Variants in THSD8 observed in about 807,000 individuals in gnomAD.
The protein encoded by THSD8 is thrombospondin type-1 domain-containing protein 8.
intron 1 of THSD8, among the ~76,000 whole-genome samples, 171 bp from the exon 2 acceptor site, chr19:12,803,933 A>AAAAAAAAAAAAAAC (rs927430159): frequency 6.7e-6 from 1 of 149,898 alleles, no homozygotes; most frequent in African/African-American, 2.5e-5. Context: ...AAAAAAAAAA[A>AAAAAAAAAAAAAAC]AAAAAGCTTA....
At chr19:12,802,616 G>A (rs1479804932) in intron 1 of THSD8, among the ~76,000 whole-genome samples, 1 of 152,170 alleles carries the variant, frequency 6.6e-6, no homozygotes, top group East Asian at 1.9e-4. Context: ...GGGAAAGAAT[G>A]TCCAAGGAAG....
Position 12,802,077 on chromosome 19 carries a change from G to T in THSD8, c.6G>T (p.Ala2=). Residue 2 remains alanine, a synonymous_variant, in exon 1 of 2, where the codon GCG becomes GCT. Transcript: ENST00000639810. ...GGGGGCCGTTGGAGTCCAGCATGGC[G>T]CGGACCCCGGGGGCGCTGCTGCTGG... is the stretch of plus-strand genomic sequence containing the variant. The part of the protein sequence containing the change: M[A]RTPGALLLAP... 1 of 398,560 alleles carries T rather than the reference G, an allele frequency of 2.5e-6. No individual in the cohort carries two copies. Among genetic ancestry groups the T allele is most frequent in the Non-Finnish European group, 4.4e-6 (1 of 226,024 alleles). 24.7% of individuals were successfully genotyped at this position (398,560 alleles called of 1,614,324 possible).
rs1273755033 is a variant in THSD8 at position 12,804,174 on chromosome 19, C to A, written c.219C>A (p.Arg73=). The A allele has an allele frequency of 2.5e-6, 1 of 398,460 alleles. No individual in the cohort carries two copies. The highest frequency in any genetic ancestry group is 2.1e-5 in the African/African-American group (1 of 48,598). 24.7% of individuals were successfully genotyped at this position (398,460 alleles called of 1,614,324 possible). A position where few individuals can be genotyped will look rare whatever the true frequency, so the allele number is the denominator to read the frequency against. ...RCLCDLGKQE[R]SREVVGTAPG... ...TCTGCGACCTGGGCAAGCAGGAGCG[C>A]AGCCGCGAGGTAGTGGGCACAGCGC... Residue 73 remains arginine, a synonymous_variant, in exon 2 of 2, where the codon CGC becomes CGA. Transcript: ENST00000639810.
At chr19:12,803,601 G>A (rs1968936096) in intron 1 of THSD8, among the ~76,000 whole-genome samples, 1 of 152,010 alleles carries the variant, frequency 6.6e-6, no homozygotes, top group African/African-American at 2.4e-5. Flanking sequence ...TTCCCCACCT[G>A]AGACTCGTGG....
intron 1 of THSD8, among the ~76,000 whole-genome samples, chr19:12,803,467 A>C (rs1433564882): frequency 6.6e-6 from 1 of 152,072 alleles, no homozygotes; most frequent in Non-Finnish European, 1.5e-5. Flanking sequence ...GGCACCAAGG[A>C]TGTTGTAGGA....
At chr19:12,804,073 G>A (rs1291197528) in intron 1 of THSD8, 31 bp from the exon 2 acceptor site, 2 of 398,372 alleles carry the variant, frequency 5.0e-6, no homozygotes, top group South Asian at 1.3e-4. Flanking sequence ...CCCCCTCCAC[G>A]TAGGTCTTCA....
chr19:12,802,470 G>T (rs1254117319), intron 1 of THSD8, among the ~76,000 whole-genome samples: 1 of 152,192 alleles, frequency 6.6e-6, no homozygotes, highest in African/African-American at 2.4e-5. Flanking sequence ...GTCACTCGGG[G>T]ATAGGTGCCA....
intron 1 of THSD8, among the ~76,000 whole-genome samples, chr19:12,803,341 T>C (rs1350388879): frequency 6.6e-6 from 1 of 152,194 alleles, no homozygotes; most frequent in East Asian, 1.9e-4. Flanking sequence ...TTTACTTACC[T>C]TCATTATGTC....
rs968131733 is a variant in THSD8, at chr19:12,802,947, C to CA, written c.148+734dup. 5.9e-5 allele frequency among the ~76,000 whole-genome samples: 9 copies of CA among 151,924 alleles called. No homozygotes were observed. The South Asian group carries it at 1.0e-3, about 18-fold the overall frequency. On this transcript the variant is annotated intron_variant, in intron 1 of 1. Transcript: ENST00000639810. ...CCCACACAGCAAGACTCCATCTCTACAAAAAATATTTTAAAATTAGCCTGA... is the reference window on the plus strand; with the variant it reads ...CCCACACAGCAAGACTCCATCTCTACAAAAAAATATTTTAAAATTAGCCTGA...
chr19:12,803,911 C>CAAAAAAAAAAAAAAAAAAAAAA (rs761806696), intron 1 of THSD8, among the ~76,000 whole-genome samples, 193 bp from the exon 2 acceptor site: 3 of 34,868 alleles, frequency 8.6e-5, no homozygotes, highest in Middle Eastern at 0.02. Flanking sequence ...GACCCTGTCT[C>CAAAAAAAAAAAAAAAAAAAAAA]AAAAAAAAAA....
At chr19:12,803,394 A>C (rs1968933500) in intron 1 of THSD8, among the ~76,000 whole-genome samples, 1 of 152,222 alleles carries the variant, frequency 6.6e-6, no homozygotes, top group Non-Finnish European at 1.5e-5. Context: ...GTCAGGTGGC[A>C]TTGTGCCTTC....
chr19:12,803,367 C>G (rs1466980473), intron 1 of THSD8, among the ~76,000 whole-genome samples: 1 of 152,206 alleles, frequency 6.6e-6, no homozygotes, highest in South Asian at 2.1e-4. Context: ...TGCCATTTAT[C>G]ACTTGACAAC....
chr19:12,804,301 T>C lies in THSD8; in HGVS notation c.346T>C (p.Ter116ArgextTer?), dbSNP rs555861352. The C allele has an allele frequency of 2.2e-3, 863 of 398,600 alleles. 11 individuals are homozygous for C. Among genetic ancestry groups the C allele is most frequent in the African/African-American group, 0.017 (822 of 48,726 alleles). The allele number at this position is 398,600 out of a possible 1,614,324, so 24.7% of individuals were successfully genotyped here. ...GCCCTTCGACTGCGACTGGAGGCTC[T>C]GAGCCCGGGTGAGAGAGCAGGGCCG... ...CKPFDCDWRL[*>R] Residue 116 changes from the stop codon to arginine, a stop_lost, in exon 2 of 2, where the codon TGA becomes CGA. Coordinates refer to ENST00000639810, the MANE Select transcript of THSD8 (RefSeq NM_001386800.1).
intron 1 of THSD8, 121 bp from the exon 2 acceptor site, chr19:12,803,981 CAG>C (rs1042696427): frequency 7.9e-5 from 23 of 290,424 alleles, no homozygotes; most frequent in Non-Finnish European, 1.4e-4. Flanking sequence ...GGCATAGAAG[CAG>C]AGTCTAGCGA....
chr19:12,803,080 AT>A (rs1190734744), intron 1 of THSD8, among the ~76,000 whole-genome samples: 1 of 152,096 alleles, frequency 6.6e-6, no homozygotes, highest in Non-Finnish European at 1.5e-5. Context: ...ACAAAAATAA[AT>A]AAATAAATAA....
At position 12,804,261 on chromosome 19, in the gene THSD8, T is replaced by C. The variant is rs1297664173; in HGVS notation, c.306T>C (p.Asp102=). The C allele has an allele frequency of 6.3e-5, 25 of 398,598 alleles. No homozygotes were observed. The South Asian group carries it at 7.6e-4, about 12-fold the overall frequency. The allele number at this position is 398,598 out of a possible 1,614,324, so 24.7% of individuals were successfully genotyped here. The change falls in exon 2 of 2, where the codon GAT becomes GAC. Residue 102 remains aspartate (D), a synonymous_variant. Transcript: ENST00000639810. ...LIQLRPCRQR[D]CPSCKPFDCD... ...AGTTACGGCCCTGCCGGCAACGGGA[T>C]TGTCCATCCTGCAAGCCCTTCGACT...
intron 1 of THSD8, among the ~76,000 whole-genome samples, chr19:12,802,429 G>A (rs995207125): frequency 1.3e-5 from 2 of 152,200 alleles, no homozygotes; most frequent in African/African-American, 4.8e-5. Flanking sequence ...GCTCCCAGGG[G>A]AAGAGAGGGT....
chr19:12,802,523 GA>G (rs1229219323), intron 1 of THSD8, among the ~76,000 whole-genome samples: 2 of 152,180 alleles, frequency 1.3e-5, no homozygotes, highest in African/African-American at 4.8e-5. Flanking sequence ...GCAAGCTTGG[GA>G]AATCAGAGAG....
intron 1 of THSD8, among the ~76,000 whole-genome samples, chr19:12,803,073 A>AAAAT (rs1418958224): frequency 6.6e-6 from 1 of 152,098 alleles, no homozygotes; most frequent in African/African-American, 2.4e-5. Flanking sequence ...CTACTCTACA[A>AAAAT]AAATAAATAA....
Sources: gnomAD v4.1 joint callset for allele counts (sites outside exome capture counted in the v4.1 genomes callset) on GRCh38, gnomAD v4.1.1 for gene constraint, MANE v1.5 for transcripts, NCBI Gene and HGNC (gene_info 2026-07-23, HGNC 2026-07-21) for gene names.